GALNT2: variants seen among roughly 807,000 people sequenced by gnomAD.
The protein encoded by GALNT2 is UDP-GalNAc:polypeptide N-acetylgalactosaminyltransferase 2.
In GALNT2, 31 loss-of-function variants were observed where a neutral mutation model predicts 81.4. That is an observed-to-expected ratio of 0.38 (90% CI 0.29 to 0.51). The LOEUF (loss-of-function observed/expected upper bound fraction) is 0.51, where lower values mean the gene tolerates loss of function less well. Among genes scored for constraint, GALNT2 ranks in the 20% least tolerant of loss-of-function variants. The pLI is 0.87. For synonymous variants in GALNT2, 303 were observed against 287.4 expected, an observed-to-expected ratio of 1.05 and a Z score of -0.55; for missense variants, 629 against 765.7, an observed-to-expected ratio of 0.82 and a Z score of 2.11.
At chr1:230,133,449 CTTTTTTT>C (rs71934973) in intron 1 of GALNT2, among the ~76,000 whole-genome samples, 91 of 140,342 alleles carry the variant, frequency 6.5e-4, no homozygotes, top group African/African-American at 2.1e-3. Flanking sequence ...TTTCTTTTTT[CTTTTTTT>C]TTTTTTTTGA....
intron 7 of GALNT2, among the ~76,000 whole-genome samples, chr1:230,244,387 A>G (rs900780946): frequency 2.0e-5 from 3 of 152,122 alleles, no homozygotes; most frequent in Non-Finnish European, 4.4e-5. Context: ...AGGCTTGCAA[A>G]GCCAGTTTCA....
chr1:230,250,195 C>T (rs1269951167), intron 9 of GALNT2, among the ~76,000 whole-genome samples: 1 of 152,228 alleles, frequency 6.6e-6, no homozygotes, highest in Non-Finnish European at 1.5e-5. Flanking sequence ...AGCAGTCGCT[C>T]CCACATAGGG....
At chr1:230,203,437 G>A (rs1663969298) in intron 3 of GALNT2, 147 bp downstream of exon 3, 2 of 917,094 alleles carry the variant, frequency 2.2e-6, no homozygotes, top group Non-Finnish European at 3.3e-6. Flanking sequence ...GAGGTATATG[G>A]CAATGGAACT....
intron 1 of GALNT2, among the ~76,000 whole-genome samples, chr1:230,094,163 ATTTTTTT>A (rs58639878): frequency 0.22 from 26,151 of 118,994 alleles, 2,551 homozygotes; most frequent in East Asian, 0.36. Context: ...ATGCTGGCTA[ATTTTTTT>A]TTTTTTTTTT....
chr1:230,139,271 C>A (rs765645651), intron 1 of GALNT2, among the ~76,000 whole-genome samples: 6 of 152,192 alleles, frequency 3.9e-5, no homozygotes, highest in Non-Finnish European at 8.8e-5. Context: ...AATCAGGGTC[C>A]TCTTGCTAAA....
chr1:230,139,105 CCAA>C (rs1326981977), intron 1 of GALNT2, among the ~76,000 whole-genome samples: 6 of 152,170 alleles, frequency 3.9e-5, no homozygotes, highest in Non-Finnish European at 5.9e-5. Context: ...TGTGAGGAGA[CCAA>C]CAAGAGCTTC....
At chr1:230,099,094 T>C (rs551187008) in intron 1 of GALNT2, among the ~76,000 whole-genome samples, 1 of 152,188 alleles carries the variant, frequency 6.6e-6, no homozygotes, top group South Asian at 2.1e-4. Context: ...CCTTGAGGAG[T>C]TGGCCCTCCC....
In GALNT2 at chr1:230,233,523, G is replaced by T. The variant is rs1664930792; in HGVS notation, c.375-2491G>T. ...AGCTACTCGGGAGGCTGAGGCAGGA[G>T]AATCGCTTGAACCCGGGAGGCGGAG... On this transcript the variant is annotated intron_variant, in intron 3 of 15. Transcript: ENST00000366672. Among the ~76,000 whole-genome samples, 4 of 152,288 alleles carry T rather than the reference G, an allele frequency of 2.6e-5. No individual in the cohort carries two copies. The South Asian group carries it at 6.2e-4, about 24-fold the overall frequency.
chr1:230,130,089 C>G (rs1357589426), intron 1 of GALNT2, among the ~76,000 whole-genome samples: 1 of 152,250 alleles, frequency 6.6e-6, no homozygotes, highest in African/African-American at 2.4e-5. Flanking sequence ...GTCTCTGAAG[C>G]TTTGAGTGAG....
intron 1 of GALNT2, among the ~76,000 whole-genome samples, chr1:230,089,674 C>T (rs1225133969): frequency 6.6e-6 from 1 of 152,142 alleles, no homozygotes; most frequent in Admixed American, 6.5e-5. Context: ...AGTATTTATC[C>T]TTTTGAATTG....
At chr1:230,126,214 A>G (rs61825395) in intron 1 of GALNT2, among the ~76,000 whole-genome samples, 3,664 of 152,248 alleles carry the variant, frequency 0.024, 119 homozygotes, top group East Asian at 0.096. Flanking sequence ...CCAGAGCAGG[A>G]GTGTGGGGTT....
rs1665015303 is a variant in GALNT2, at chr1:230,236,012, A to G, written c.375-2A>G. 1 of 1,613,726 alleles carries G rather than the reference A, an allele frequency of 6.2e-7. No individual in the cohort carries two copies. The highest frequency in any genetic ancestry group is 1.7e-5 in the Admixed American group (1 of 60,002). ...CAGAGGACCATCTTTCTCTTCCTGCAGGTGTCAGCGGAAGCAGTGGCGGGT... is the reference window on the plus strand; with the variant it reads ...CAGAGGACCATCTTTCTCTTCCTGCGGGTGTCAGCGGAAGCAGTGGCGGGT... On this transcript the variant is annotated splice_acceptor_variant, in intron 3 of 15. Coordinates refer to ENST00000366672, the MANE Select transcript of GALNT2 (RefSeq NM_004481.5). LOFTEE classifies it high-confidence loss of function.
At chr1:230,137,768 A>G (rs1189663607) in intron 1 of GALNT2, among the ~76,000 whole-genome samples, 1 of 152,212 alleles carries the variant, frequency 6.6e-6, no homozygotes, top group Non-Finnish European at 1.5e-5. Flanking sequence ...AAAAAAGTAG[A>G]GATAAGATAG....
chr1:230,173,467 A>G (rs1328432628), intron 1 of GALNT2, among the ~76,000 whole-genome samples: 1 of 152,216 alleles, frequency 6.6e-6, no homozygotes, highest in Non-Finnish European at 1.5e-5. Context: ...CACTGTCAAC[A>G]TCCCTCCTTT....
At chr1:230,069,257 GTTTGTTTTTTTTTGT>G (rs1029892979) in intron 1 of GALNT2, among the ~76,000 whole-genome samples, 4 of 124,842 alleles carry the variant, frequency 3.2e-5, no homozygotes, top group African/African-American at 1.6e-4. Context: ...GTGATTCTTA[GTTTGTTTTTTTTTGT>G]TTTGTTTTGT....
intron 2 of GALNT2, among the ~76,000 whole-genome samples, chr1:230,199,901 A>G (rs1432026855): frequency 6.6e-6 from 1 of 152,170 alleles, no homozygotes; most frequent in East Asian, 1.9e-4. Context: ...TTTACTCATG[A>G]TTCAAATCTC....
At chr1:230,170,626 G>T (rs754932770) in intron 1 of GALNT2, among the ~76,000 whole-genome samples, 1 of 152,052 alleles carries the variant, frequency 6.6e-6, no homozygotes, top group African/African-American at 2.4e-5. Flanking sequence ...AAAGAAAAAA[G>T]GTTTATTTGG....
At chr1:230,062,827 C>T (rs921620183), upstream of GALNT2, among the ~76,000 whole-genome samples, 5 of 152,128 alleles carry the variant, frequency 3.3e-5, no homozygotes, top group African/African-American at 1.2e-4. Flanking sequence ...TGTGGATATA[C>T]AAATATCCGT....
At chr1:230,078,845 C>A (rs984891802) in intron 1 of GALNT2, among the ~76,000 whole-genome samples, 6 of 152,110 alleles carry the variant, frequency 3.9e-5, no homozygotes, top group African/African-American at 1.2e-4. Context: ...ACCCTATCAC[C>A]CAGGCTGGAG....
Sources: gnomAD v4.1 joint callset for allele counts (sites outside exome capture counted in the v4.1 genomes callset) on GRCh38, gnomAD v4.1.1 for gene constraint, MANE v1.5 for transcripts, NCBI Gene and HGNC (gene_info 2026-07-23, HGNC 2026-07-21) for gene names.